The following DCDC1 variants were observed in gnomAD, a reference collection of about 807,000 sequenced individuals.
The protein encoded by DCDC1 is doublecortin domain containing 1, also known as doublecortin domain-containing protein 1.
DCDC1 carries 200 observed loss-of-function variants against 178.3 expected under a neutral mutation model. That is an observed-to-expected ratio of 1.12 (90% CI 1.00 to 1.26). The LOEUF is 1.26. Among genes scored for constraint, DCDC1 ranks in the 50% most tolerant of loss-of-function variants. The pLI is 0.00. For missense variants in DCDC1, 1,983 were observed against 1,749.2 expected (o/e 1.13, Z -2.38); for synonymous variants, 690 against 604.8 (o/e 1.14, Z -2.07).
intron 9 of DCDC1, among the ~76,000 whole-genome samples, chr11:31,185,910 T>C (rs1969421431): frequency 6.6e-6 from 1 of 152,196 alleles, no homozygotes; most frequent in Admixed American, 6.5e-5. Context: ...TTTAAATAAG[T>C]ATATCAAACA....
intron 21 of DCDC1, among the ~76,000 whole-genome samples, chr11:30,950,618 T>C (rs1420053058): frequency 6.6e-6 from 1 of 152,152 alleles, no homozygotes; most frequent in Admixed American, 6.6e-5. Flanking sequence ...AAATATTGTA[T>C]GTTTTCACTC....
intron 6 of DCDC1, among the ~76,000 whole-genome samples, chr11:31,304,332 G>A (rs1948315419): frequency 6.6e-6 from 1 of 151,964 alleles, no homozygotes; most frequent in Non-Finnish European, 1.5e-5. Context: ...AAATATATCT[G>A]AATTTTTTAA....
rs537532486 is a variant in DCDC1, at chr11:31,130,193, A to G, written c.1315-2554T>C. Among the ~76,000 whole-genome samples, 18 of 152,170 alleles carry G rather than the reference A, an allele frequency of 1.2e-4. No homozygotes were observed. In the East Asian group the frequency reaches 3.3e-3, roughly 28 times the overall value. ...TCCAAGTCCACTCATCAGAAACCCC[A>G]CTTCCTCTAGCAGACCTTCCAGCAC... On this transcript the variant is annotated intron_variant, in intron 10 of 38. Transcript: ENST00000684477.
intron 9 of DCDC1, among the ~76,000 whole-genome samples, chr11:31,209,685 G>C (rs1433830953): frequency 6.6e-6 from 1 of 152,132 alleles, no homozygotes; most frequent in African/African-American, 2.4e-5. Flanking sequence ...GTCATTTAAG[G>C]GGTTGGACAA....
rs555902206 is a variant in DCDC1, at chr11:31,356,153, C to A, written c.-125+13544G>T. On this transcript the variant is annotated intron_variant, in intron 1 of 38. Transcript: ENST00000684477. ...AGATAAAACTGACTTTATTTTATAA[C>A]AACAACAACAAAAAAAGAACAAGGG... is the stretch of plus-strand genomic sequence containing the variant. 1.6e-4 allele frequency among the ~76,000 whole-genome samples: 24 copies of A among 151,958 alleles called. No homozygotes were observed. The South Asian group carries it at 5.0e-3, about 32-fold the overall frequency.
At chr11:30,961,848 T>C (rs552329513) in intron 20 of DCDC1, among the ~76,000 whole-genome samples, 113 of 152,178 alleles carry the variant, frequency 7.4e-4, no homozygotes, top group South Asian at 5.2e-3. Flanking sequence ...CAAAATTCCA[T>C]GGATTTGAAC....
Position 30,952,555 on chromosome 11 carries a change from G to T in DCDC1, c.2605C>A (p.His869Asn). The T allele has an allele frequency of 7.1e-7, 1 of 1,415,368 alleles. No homozygotes were observed. Among genetic ancestry groups the T allele is most frequent in the Non-Finnish European group, 9.8e-7 (1 of 1,023,070 alleles). The allele number at this position is 1,415,368 out of a possible 1,614,324, so 87.7% of individuals were successfully genotyped here. ...KASAQRWAIK[H>N]EGTSKPGQWK... is the part of the protein sequence containing the mutation. ...TGGCCTGGCTTACTGGTTCCTTCAT[G>T]TTTTATGGCCCACCTAAAACAAAAG... The change falls in exon 21 of 39, where the codon CAT (histidine) becomes AAT (asparagine). Residue 869 changes from histidine to asparagine, a missense_variant. His to Asn is a moderately conservative substitution (Grantham distance 68). Transcript: ENST00000684477.
At chr11:31,153,121 G>A (rs1965350643) in intron 9 of DCDC1, among the ~76,000 whole-genome samples, 1 of 152,106 alleles carries the variant, frequency 6.6e-6, no homozygotes, top group Non-Finnish European at 1.5e-5. Flanking sequence ...TCTAATGTAA[G>A]ACAAAAATCT....
At position 30,888,032 on chromosome 11, in the gene DCDC1, GAGAAAGAA is replaced by G. The variant is rs1276190350; in HGVS notation, c.5082+4778_5082+4785del. ...AAAAAAAGAAAGAAAGAGAGAGAGA[GAGAAAGAA>G]AGAAAGAAAGAAAGAAAGAAAGAGA... is the stretch of plus-strand genomic sequence containing the variant. On this transcript the variant is annotated intron_variant, in intron 36 of 38. Transcript: ENST00000684477. Among the ~76,000 whole-genome samples the G allele has an allele frequency of 2.9e-4, 32 of 111,434 alleles. 1 individual carries two copies. The highest frequency in any genetic ancestry group is 1.0e-3 in the African/African-American group (27 of 26,316). 73.1% of individuals were successfully genotyped at this position (111,434 alleles called of 152,430 possible).
chr11:31,192,353 C>T (rs1206787566), intron 9 of DCDC1, among the ~76,000 whole-genome samples: 3 of 152,084 alleles, frequency 2.0e-5, no homozygotes, highest in Admixed American at 2.0e-4. Context: ...GACCTATTGA[C>T]CCAATGTTGG....
At chr11:31,196,572 T>C (rs1231240398) in intron 9 of DCDC1, among the ~76,000 whole-genome samples, 1 of 151,920 alleles carries the variant, frequency 6.6e-6, no homozygotes, top group East Asian at 1.9e-4. Flanking sequence ...CTATTACCAG[T>C]TTATTATAAA....
intron 9 of DCDC1, among the ~76,000 whole-genome samples, chr11:31,203,712 G>A (rs1388097786): frequency 6.6e-6 from 1 of 151,968 alleles, no homozygotes; most frequent in Non-Finnish European, 1.5e-5. Context: ...AAACCTATAA[G>A]GAATAGATCA....
chr11:31,118,889 C>T (rs942973411), intron 11 of DCDC1, among the ~76,000 whole-genome samples: 1 of 152,196 alleles, frequency 6.6e-6, no homozygotes, highest in Non-Finnish European at 1.5e-5. Context: ...GATTTTGATA[C>T]AGACGCAGTT....
At chr11:30,916,473 C>A (rs1945844242) in intron 26 of DCDC1, among the ~76,000 whole-genome samples, 1 of 151,980 alleles carries the variant, frequency 6.6e-6, no homozygotes, top group East Asian at 1.9e-4. Flanking sequence ...TGACAAAAAA[C>A]ATTAAACTAA....
chr11:31,144,073 A>AC (rs1345234752), intron 9 of DCDC1, among the ~76,000 whole-genome samples: 9 of 152,344 alleles, frequency 5.9e-5, no homozygotes, highest in African/African-American at 2.2e-4. Flanking sequence ...GTCTAAAAGG[A>AC]CAAAAAAGGG....
chr11:31,053,457 G>A (rs2135422413), intron 20 of DCDC1, among the ~76,000 whole-genome samples: 1 of 152,072 alleles, frequency 6.6e-6, no homozygotes, highest in East Asian at 1.9e-4. Context: ...GAGAGAGAAG[G>A]AACTCTCCTT....
At chr11:31,354,920 T>G (rs1591840583) in intron 1 of DCDC1, among the ~76,000 whole-genome samples, 1 of 152,158 alleles carries the variant, frequency 6.6e-6, no homozygotes, top group African/African-American at 2.4e-5. Flanking sequence ...TCCTTATTTT[T>G]TTTCCCTCAA....
At chr11:30,872,976 G>A (rs914891166) in intron 38 of DCDC1, among the ~76,000 whole-genome samples, 2 of 151,422 alleles carry the variant, frequency 1.3e-5, no homozygotes, top group African/African-American at 4.8e-5. Context: ...AACAGTGAGT[G>A]CAGTGACTGC....
chr11:31,307,526 A>C (rs995727442), intron 4 of DCDC1, 113 bp downstream of exon 4: 5 of 1,396,212 alleles, frequency 3.6e-6, no homozygotes, highest in Non-Finnish European at 2.9e-6. Flanking sequence ...ACAAAACCCG[A>C]GAGATGTGTT....
Sources: gnomAD v4.1 joint callset for allele counts (sites outside exome capture counted in the v4.1 genomes callset) on GRCh38, gnomAD v4.1.1 for gene constraint, MANE v1.5 for transcripts, NCBI Gene and HGNC (gene_info 2026-07-23, HGNC 2026-07-21) for gene names.